Variants in GPR141 observed in about 807,000 individuals in gnomAD.
GPR141 encodes the protein G protein-coupled receptor 141, also known as probable G protein-coupled receptor 141.
GPR141 carries 6 observed loss-of-function variants against 6.8 expected under a neutral mutation model. The observed-to-expected ratio is 0.88, with a 90% CI of 0.48 to 1.74. The LOEUF (loss-of-function observed/expected upper bound fraction) is 1.74, where lower values mean the gene tolerates loss of function less well. Among genes scored for constraint, GPR141 ranks in the 40% most tolerant of loss-of-function variants. The pLI is 0.01. For synonymous variants in GPR141, 140 were observed against 142.3 expected, an observed-to-expected ratio of 0.98 and a Z score of 0.11; for missense variants, 372 against 372.9, an observed-to-expected ratio of 1.00 and a Z score of 0.02.
At chr7:37,718,778 T>C (rs1196753238) in intron 2 of GPR141, among the ~76,000 whole-genome samples, 1 of 152,212 alleles carries the variant, frequency 6.6e-6, no homozygotes, top group Non-Finnish European at 1.5e-5. Flanking sequence ...ACAATTGCTC[T>C]TCTGAGATCA....
rs1413695151 is a variant in GPR141, at chr7:37,740,010, G to A, written c.-14-370G>A. The stretch of plus-strand genomic sequence containing the variant: ...AAATTGTATACTTCATGAATCCATC[G>A]ATCTTTCTATCCATCTCACAACTTT... On this transcript the variant is annotated intron_variant, in intron 2 of 2. Transcript: ENST00000334425. Among the ~76,000 whole-genome samples, 37 of 151,996 alleles carry A rather than the reference G, an allele frequency of 2.4e-4. 2 individuals carry two copies. Among genetic ancestry groups the A allele is most frequent in the Non-Finnish European group, 4.6e-4 (31 of 67,992 alleles).
intron 2 of GPR141, among the ~76,000 whole-genome samples, chr7:37,710,218 T>G (rs1376256039): frequency 2.0e-5 from 3 of 152,202 alleles, no homozygotes; most frequent in African/African-American, 7.2e-5. Context: ...TTTCTGCCCT[T>G]ACTCTTTTGT....
chr7:37,732,144 C>CTTTTT (rs1176520782), intron 2 of GPR141, among the ~76,000 whole-genome samples: 3 of 127,614 alleles, frequency 2.4e-5, no homozygotes, highest in Non-Finnish European at 4.9e-5. Context: ...TTCTCTCTCT[C>CTTTTT]TTTTTTTTTT....
intron 2 of GPR141, chr7:37,729,897 C>A (rs1234114363): frequency 1.3e-5 from 2 of 152,242 alleles, no homozygotes; most frequent in Admixed American, 1.3e-4. Flanking sequence ...GAAACTACCT[C>A]TCTCTTACCT....
intron 2 of GPR141, among the ~76,000 whole-genome samples, chr7:37,687,198 A>G (rs1809549020): frequency 1.3e-5 from 2 of 152,136 alleles, no homozygotes; most frequent in Admixed American, 1.3e-4. Context: ...CTTGTGATCA[A>G]TCAAATTGTA....
At chr7:37,721,736 G>T (rs1252475381) in intron 2 of GPR141, among the ~76,000 whole-genome samples, 1 of 152,192 alleles carries the variant, frequency 6.6e-6, no homozygotes, top group African/African-American at 2.4e-5. Context: ...CCACGTCTCT[G>T]TTTGGGTGTA....
At chr7:37,718,872 C>T (rs185727200) in intron 2 of GPR141, among the ~76,000 whole-genome samples, 2 of 152,258 alleles carry the variant, frequency 1.3e-5, no homozygotes, top group Admixed American at 6.5e-5. Flanking sequence ...TGCACACCAG[C>T]GACATAGAAC....
intron 2 of GPR141, among the ~76,000 whole-genome samples, chr7:37,700,878 T>C (rs1482448618): frequency 6.6e-6 from 1 of 152,202 alleles, no homozygotes; most frequent in African/African-American, 2.4e-5. Flanking sequence ...CTAAACAGTA[T>C]TCTCTTTTAG....
intron 2 of GPR141, among the ~76,000 whole-genome samples, chr7:37,700,451 C>T (rs1179634645): frequency 6.6e-6 from 1 of 152,128 alleles, no homozygotes; most frequent in Non-Finnish European, 1.5e-5. Context: ...GTCAGATTGT[C>T]TCCACTGTAG....
chr7:37,736,865 A>G (rs886629401), intron 2 of GPR141, among the ~76,000 whole-genome samples: 3 of 152,220 alleles, frequency 2.0e-5, no homozygotes, highest in Non-Finnish European at 4.4e-5. Flanking sequence ...AGACATAAAA[A>G]TCAATGGATA....
intron 2 of GPR141, among the ~76,000 whole-genome samples, chr7:37,704,179 C>G (rs906130163): frequency 2.0e-5 from 3 of 151,890 alleles, no homozygotes; most frequent in African/African-American, 7.3e-5. Context: ...TTCTTTTCCA[C>G]CCAAAGCTAA....
chr7:37,727,752 T>A (rs1483510113), intron 2 of GPR141, among the ~76,000 whole-genome samples: 4 of 152,236 alleles, frequency 2.6e-5, no homozygotes, highest in African/African-American at 9.6e-5. Flanking sequence ...CCAATCCTTA[T>A]AATATTTAAA....
At chr7:37,709,770 C>T (rs564486681) in intron 2 of GPR141, 16 of 152,288 alleles carry the variant, frequency 1.1e-4, no homozygotes, top group African/African-American at 3.9e-4. Flanking sequence ...TGTTTCCCTC[C>T]AATGGCAAAG....
At chr7:37,739,105 T>G (rs1478782882) in intron 2 of GPR141, among the ~76,000 whole-genome samples, 11 of 152,220 alleles carry the variant, frequency 7.2e-5, no homozygotes, top group Non-Finnish European at 1.6e-4. Context: ...ATCACCCCAT[T>G]GAGAATACAT....
intron 2 of GPR141, among the ~76,000 whole-genome samples, chr7:37,695,102 C>T (rs1301381542): frequency 6.6e-6 from 1 of 152,168 alleles, no homozygotes; most frequent in African/African-American, 2.4e-5. Flanking sequence ...GCTTTAGCTC[C>T]AGGCAAGGGG....
chr7:37,714,841 G>T (rs1485521957), intron 2 of GPR141, among the ~76,000 whole-genome samples: 1 of 152,132 alleles, frequency 6.6e-6, no homozygotes, highest in African/African-American at 2.4e-5. Context: ...TATGTTCTTT[G>T]CAATGGCTTC....
intron 2 of GPR141, among the ~76,000 whole-genome samples, chr7:37,693,341 T>A (rs904430322): frequency 7.2e-5 from 11 of 152,206 alleles, no homozygotes; most frequent in Non-Finnish European, 1.3e-4. Flanking sequence ...CTGAGGCCTC[T>A]GTTCTGTTCC....
Position 37,688,753 on chromosome 7 carries a change from C to T in GPR141, c.-15+3170C>T, listed in dbSNP as rs116049034. On this transcript the variant is annotated intron_variant, in intron 2 of 2. Transcript: ENST00000334425. Reference sequence around the variant, plus strand: ...AGGCCCATTGAATAGAAATGTGGTCCATGGAGGTCGGAAGCATCTCTGAAA... The same window carrying T: ...AGGCCCATTGAATAGAAATGTGGTCTATGGAGGTCGGAAGCATCTCTGAAA... 8.2e-4 allele frequency among the ~76,000 whole-genome samples: 125 copies of T among 152,264 alleles called. 3 individuals carry two copies. The highest frequency in any genetic ancestry group is 2.9e-3 in the African/African-American group (119 of 41,500).
At chr7:37,724,157 A>C (rs1811498999) in intron 2 of GPR141, among the ~76,000 whole-genome samples, 1 of 152,220 alleles carries the variant, frequency 6.6e-6, no homozygotes, top group Non-Finnish European at 1.5e-5. Flanking sequence ...GAGAGTCAGC[A>C]GCAATGGTGA....
Sources: gnomAD v4.1 joint callset for allele counts (sites outside exome capture counted in the v4.1 genomes callset) on GRCh38, gnomAD v4.1.1 for gene constraint, MANE v1.5 for transcripts, NCBI Gene and HGNC (gene_info 2026-07-23, HGNC 2026-07-21) for gene names.